LRP1B: variants seen among roughly 807,000 people sequenced by gnomAD.
The protein encoded by LRP1B is low-density lipoprotein receptor-related protein 1B.
LRP1B carries 217 observed loss-of-function variants against 556.6 expected under a neutral mutation model. That is an observed-to-expected ratio of 0.39 (90% CI 0.35 to 0.44). LRP1B has a LOEUF of 0.44. Ranked by LOEUF, LRP1B falls within the 20% of genes least tolerant of loss-of-function variation. The pLI, the probability that LRP1B is intolerant of heterozygous loss-of-function variation, is 1.00. For synonymous variants in LRP1B, 2,047 were observed against 1,865.8 expected, an observed-to-expected ratio of 1.10 and a Z score of -2.50; for missense variants, 5,053 against 5,620.8, an observed-to-expected ratio of 0.90 and a Z score of 3.23.
chr2:141,425,972 GT>G (rs1680347152), intron 3 of LRP1B, among the ~76,000 whole-genome samples: 1 of 150,294 alleles, frequency 6.7e-6, no homozygotes, highest in Non-Finnish European at 1.5e-5. Context: ...TGCTTTTGGT[GT>G]TTTAGACATG....
chr2:141,467,839 C>CGTG (rs1553518610), intron 3 of LRP1B, among the ~76,000 whole-genome samples: 8,634 of 56,950 alleles, frequency 0.15, 654 homozygotes, highest in South Asian at 0.26. Flanking sequence ...GTTTGCGGAC[C>CGTG]GGGGGGGGGG....
chr2:141,212,131 G>T (rs539872566), intron 6 of LRP1B, among the ~76,000 whole-genome samples: 27 of 151,692 alleles, frequency 1.8e-4, no homozygotes, highest in South Asian at 4.2e-4. Flanking sequence ...CCTTATAGAA[G>T]ATGTGCTTAG....
rs150996448 is a variant in LRP1B, at chr2:141,952,417, T to C, written c.83-142016A>G. The stretch of plus-strand genomic sequence containing the variant: ...ATTCTTTAAACAAATATGGCACATA[T>C]TTCTATATAGATGCCTTGAACAGAA... On this transcript the variant is annotated intron_variant, in intron 1 of 90. Coordinates refer to ENST00000389484, the MANE Select transcript of LRP1B (RefSeq NM_018557.3). 1.3e-3 allele frequency among the ~76,000 whole-genome samples: 200 copies of C among 152,278 alleles called. 1 individual carries two copies. Among genetic ancestry groups the C allele is most frequent in the African/African-American group, 4.6e-3 (193 of 41,574 alleles).
intron 2 of LRP1B, among the ~76,000 whole-genome samples, chr2:141,791,706 A>G (rs560707874): frequency 1.8e-4 from 28 of 152,168 alleles, no homozygotes; most frequent in African/African-American, 6.5e-4. Context: ...AGAACCAATG[A>G]GACAGGACAC....
chr2:141,216,509 G>T (rs1682820863), intron 6 of LRP1B, among the ~76,000 whole-genome samples: 1 of 152,280 alleles, frequency 6.6e-6, no homozygotes, highest in South Asian at 2.1e-4. Context: ...ACCTAGTGAA[G>T]CTGTGGGAAG....
intron 66 of LRP1B, among the ~76,000 whole-genome samples, chr2:140,407,807 A>T (rs1684807918): frequency 6.6e-6 from 1 of 152,042 alleles, no homozygotes; most frequent in Non-Finnish European, 1.5e-5. Context: ...CTGCCATTTG[A>T]GCCAGCAGTC....
At chr2:141,934,845 T>C (rs1700592008) in intron 1 of LRP1B, among the ~76,000 whole-genome samples, 1 of 152,210 alleles carries the variant, frequency 6.6e-6, no homozygotes. Context: ...GTGAGTCAAT[T>C]AAACTTCTTT....
At chr2:141,032,271 C>T (rs1303793451) in intron 11 of LRP1B, among the ~76,000 whole-genome samples, 1 of 151,980 alleles carries the variant, frequency 6.6e-6, no homozygotes, top group Non-Finnish European at 1.5e-5. Flanking sequence ...TGCATCATGC[C>T]TCATCTGATG....
At chr2:140,581,170 T>A (rs1259734684) in intron 43 of LRP1B, among the ~76,000 whole-genome samples, 1 of 152,240 alleles carries the variant, frequency 6.6e-6, no homozygotes, top group Non-Finnish European at 1.5e-5. Context: ...GGACCTGAAG[T>A]CAGAATTGAA....
intron 6 of LRP1B, among the ~76,000 whole-genome samples, chr2:141,212,647 G>A (rs1682617431): frequency 6.6e-6 from 1 of 151,938 alleles, no homozygotes; most frequent in African/African-American, 2.4e-5. Context: ...TTTTGCTGGG[G>A]AAAGATGTAG....
chr2:141,779,419 C>CTT lies in LRP1B; in HGVS notation c.205+30858_205+30859dup, dbSNP rs34529015. 2.1e-3 allele frequency among the ~76,000 whole-genome samples: 275 copies of CTT among 130,800 alleles called. 3 individuals are homozygous for CTT. The highest frequency in any genetic ancestry group is 6.1e-3 in the South Asian group (24 of 3,922). The allele number at this position is 130,800 out of a possible 152,430, so 85.8% of individuals were successfully genotyped here. The stretch of plus-strand genomic sequence containing the variant: ...TAGACAAATATGTTCAAAATAAAAA[C>CTT]TTTTTTTTTTTTTTTTTTGAGACAG... On this transcript the variant is annotated intron_variant, in intron 2 of 90. Coordinates refer to ENST00000389484, the MANE Select transcript of LRP1B (RefSeq NM_018557.3).
chr2:141,168,566 G>C (rs964195436), intron 7 of LRP1B, among the ~76,000 whole-genome samples: 1 of 151,898 alleles, frequency 6.6e-6, no homozygotes, highest in Non-Finnish European at 1.5e-5. Context: ...AAAAAGAAAA[G>C]ACCATGAAAG....
chr2:140,834,154 A>G (rs1437141944), intron 31 of LRP1B, among the ~76,000 whole-genome samples: 1 of 152,212 alleles, frequency 6.6e-6, no homozygotes, highest in Non-Finnish European at 1.5e-5. Flanking sequence ...TTATATAATG[A>G]TCCTTACTCA....
intron 1 of LRP1B, among the ~76,000 whole-genome samples, chr2:141,947,565 G>A (rs1375088348): frequency 6.6e-6 from 1 of 152,080 alleles, no homozygotes; most frequent in Non-Finnish European, 1.5e-5. Flanking sequence ...TGAAGAAAAA[G>A]ACTATTTAGG....
intron 1 of LRP1B, among the ~76,000 whole-genome samples, chr2:141,864,843 C>T (rs1698355582): frequency 6.6e-6 from 1 of 152,140 alleles, no homozygotes; most frequent in Admixed American, 6.5e-5. Context: ...GATCACGCCA[C>T]TGCACTCCAG....
chr2:141,434,978 T>C (rs868309333), intron 3 of LRP1B, among the ~76,000 whole-genome samples: 1 of 151,962 alleles, frequency 6.6e-6, no homozygotes. Context: ...TTTGTCATTG[T>C]ATACGTAGTA....
intron 1 of LRP1B, among the ~76,000 whole-genome samples, chr2:142,041,189 C>T (rs1415983208): frequency 6.6e-6 from 1 of 151,072 alleles, no homozygotes; most frequent in Non-Finnish European, 1.5e-5. Flanking sequence ...ATTAAGGCTC[C>T]AAGTTTGAGA....
At chr2:141,816,371 A>C (rs1696546236) in intron 1 of LRP1B, among the ~76,000 whole-genome samples, 1 of 152,128 alleles carries the variant, frequency 6.6e-6, no homozygotes, top group Non-Finnish European at 1.5e-5. Flanking sequence ...CAGGCAGAAG[A>C]AGGTGGAAGA....
intron 3 of LRP1B, among the ~76,000 whole-genome samples, chr2:141,418,633 C>A (rs1229958734): frequency 2.0e-5 from 3 of 152,024 alleles, no homozygotes; most frequent in Admixed American, 6.6e-5. Flanking sequence ...ATTTCTGTAG[C>A]TCTGTAATTA....
Sources: gnomAD v4.1 joint callset for allele counts (sites outside exome capture counted in the v4.1 genomes callset) on GRCh38, gnomAD v4.1.1 for gene constraint, MANE v1.5 for transcripts, NCBI Gene and HGNC (gene_info 2026-07-23, HGNC 2026-07-21) for gene names.